Variants in FHIT observed in about 807,000 individuals in gnomAD.
FHIT encodes fragile histidine triad diadenosine triphosphatase, also known as bis(5'-adenosyl)-triphosphatase.
FHIT carries 19 observed loss-of-function variants against 17.9 expected under a neutral mutation model. The observed-to-expected ratio is 1.06, with a 90% CI of 0.74 to 1.56. FHIT has a LOEUF of 1.56. FHIT is among the 40% of genes most tolerant of loss of function. The pLI is 0.00. For synonymous variants in FHIT, 81 were observed against 69.7 expected, an observed-to-expected ratio of 1.16 and a Z score of -0.81; for missense variants, 248 against 189.2, an observed-to-expected ratio of 1.31 and a Z score of -1.82.
chr3:60,859,311 G>A (rs945740588), intron 3 of FHIT, among the ~76,000 whole-genome samples: 2 of 152,112 alleles, frequency 1.3e-5, no homozygotes, highest in Non-Finnish European at 2.9e-5. Flanking sequence ...ATTACTATGC[G>A]TGCACAGAAG....
chr3:60,656,223 A>C (rs549330644), intron 4 of FHIT, among the ~76,000 whole-genome samples: 1 of 152,152 alleles, frequency 6.6e-6, no homozygotes, highest in African/African-American at 2.4e-5. Context: ...ATTCTTCTAC[A>C]CTTCTGGGGC....
At chr3:60,076,771 T>C (rs528950168) in intron 5 of FHIT, among the ~76,000 whole-genome samples, 5 of 148,624 alleles carry the variant, frequency 3.4e-5, no homozygotes, top group African/African-American at 7.4e-5. Context: ...AGAAAGATGA[T>C]TGAAACCATT....
At chr3:60,589,492 C>T (rs531596634) in intron 4 of FHIT, among the ~76,000 whole-genome samples, 1 of 152,146 alleles carries the variant, frequency 6.6e-6, no homozygotes, top group East Asian at 1.9e-4. Context: ...CATCACAGTC[C>T]ATGTATTTGA....
intron 3 of FHIT, among the ~76,000 whole-genome samples, chr3:60,930,478 A>T (rs142791265): frequency 6.6e-6 from 1 of 152,144 alleles, no homozygotes; most frequent in South Asian, 2.1e-4. Context: ...CTGACAAAGG[A>T]CTAATATCCA....
intron 5 of FHIT, among the ~76,000 whole-genome samples, chr3:60,294,138 T>C (rs887389065): frequency 2.6e-5 from 4 of 152,056 alleles, no homozygotes; most frequent in African/African-American, 4.8e-5. Flanking sequence ...TAAAAAAGCA[T>C]AGGGAGTGAA....
intron 7 of FHIT, among the ~76,000 whole-genome samples, chr3:60,010,818 T>C (rs371685134): frequency 2.0e-5 from 3 of 152,224 alleles, no homozygotes; most frequent in African/African-American, 2.4e-5. Context: ...ACTGACTCCA[T>C]TAGGTTTGAA....
chr3:59,754,523 G>A (rs902756107), intron 8 of FHIT, among the ~76,000 whole-genome samples: 1 of 152,094 alleles, frequency 6.6e-6, no homozygotes, highest in African/African-American at 2.4e-5. Flanking sequence ...CAATTCAATA[G>A]GATGACAAAG....
chr3:60,976,527 T>C (rs1350214148), intron 3 of FHIT, among the ~76,000 whole-genome samples: 2 of 152,128 alleles, frequency 1.3e-5, no homozygotes, highest in Non-Finnish European at 2.9e-5. Context: ...GAATGAAACA[T>C]AATGTCACAG....
intron 7 of FHIT, among the ~76,000 whole-genome samples, chr3:60,009,100 A>T (rs1348482375): frequency 6.6e-6 from 1 of 151,212 alleles, no homozygotes; most frequent in African/African-American, 2.4e-5. Context: ...AGATTCAACA[A>T]CTTTAGATAT....
intron 5 of FHIT, among the ~76,000 whole-genome samples, chr3:60,055,379 C>T (rs112747041): frequency 0.015 from 2,302 of 151,966 alleles, 28 homozygotes; most frequent in Non-Finnish European, 0.022. Flanking sequence ...AATAAGCACT[C>T]TACTATGAAA....
chr3:60,289,082 A>G (rs1158345119), intron 5 of FHIT, among the ~76,000 whole-genome samples: 2 of 152,202 alleles, frequency 1.3e-5, no homozygotes, highest in South Asian at 2.1e-4. Context: ...CACAAACCCA[A>G]TGGGGTTCAC....
intron 5 of FHIT, among the ~76,000 whole-genome samples, chr3:60,437,397 C>G (rs2030369379): frequency 6.6e-6 from 1 of 152,082 alleles, no homozygotes; most frequent in South Asian, 2.1e-4. Context: ...AGGAGGCCTT[C>G]CTGTCAGGCA....
chr3:59,993,867 C>T (rs1699394137), intron 7 of FHIT, among the ~76,000 whole-genome samples: 1 of 151,990 alleles, frequency 6.6e-6, no homozygotes, highest in Admixed American at 6.6e-5. Flanking sequence ...ATTCCTGGCA[C>T]CATAGCTACC....
chr3:60,608,547 G>A (rs550148132), intron 4 of FHIT, among the ~76,000 whole-genome samples: 13 of 152,194 alleles, frequency 8.5e-5, no homozygotes, highest in South Asian at 6.2e-4. Context: ...AGCTAATAAC[G>A]AAAGTTGACT....
In FHIT at chr3:61,004,926, A is replaced by T. The variant is rs148129089; in HGVS notation, c.-111+37121T>A. Among the ~76,000 whole-genome samples, 40 of 152,328 alleles carry T rather than the reference A, an allele frequency of 2.6e-4. No homozygotes were observed. In the East Asian group the frequency reaches 7.5e-3, roughly 29 times the overall value. ...GAGAAATGTAAGTTGTTAAATATAT[A>T]ATATGGGATATTTTTCATTATACAA... is the stretch of plus-strand genomic sequence containing the variant. On this transcript the variant is annotated intron_variant, in intron 3 of 9. Transcript: ENST00000492590.
intron 5 of FHIT, among the ~76,000 whole-genome samples, chr3:60,074,055 T>A (rs1702899447): frequency 6.6e-6 from 1 of 152,098 alleles, no homozygotes; most frequent in Admixed American, 6.6e-5. Flanking sequence ...TCATGTGCAT[T>A]CCTGTCTTTC....
intron 5 of FHIT, among the ~76,000 whole-genome samples, chr3:60,437,142 C>T (rs2030343051): frequency 6.6e-6 from 1 of 152,050 alleles, no homozygotes; most frequent in African/African-American, 2.4e-5. Flanking sequence ...GGCAAACAAA[C>T]TGAGAAAATC....
rs142815722 is a variant in FHIT at position 60,484,365 on chromosome 3, A to C, written c.103+52495T>G. On this transcript the variant is annotated intron_variant, in intron 5 of 9. Coordinates refer to ENST00000492590, the MANE Select transcript of FHIT (RefSeq NM_002012.4). ...ATGAAGACCTCTGTATAGCCAAGAC[A>C]ATCCTAAGCAAAAAGAATAAAGCTG... Among the ~76,000 whole-genome samples the C allele has an allele frequency of 3.1e-3, 467 of 152,352 alleles. 4 individuals are homozygous for C. The highest frequency in any genetic ancestry group is 0.011 in the African/African-American group (454 of 41,582).
chr3:61,034,439 C>T (rs1451988501), intron 3 of FHIT, among the ~76,000 whole-genome samples: 1 of 151,800 alleles, frequency 6.6e-6, no homozygotes, highest in East Asian at 1.9e-4. Context: ...AACAAACAAA[C>T]AAAAACAACA....
Sources: gnomAD v4.1 joint callset for allele counts (sites outside exome capture counted in the v4.1 genomes callset) on GRCh38, gnomAD v4.1.1 for gene constraint, MANE v1.5 for transcripts, NCBI Gene and HGNC (gene_info 2026-07-23, HGNC 2026-07-21) for gene names.